The following ZFYVE1 variants were observed in gnomAD, a reference collection of about 807,000 sequenced individuals.
ZFYVE1 encodes zinc finger FYVE domain-containing protein 1.
In ZFYVE1, 30 loss-of-function variants were observed where a neutral mutation model predicts 74.4. The ratio of observed to expected loss-of-function variants is 0.40; its 90% CI spans 0.30 to 0.55. ZFYVE1 has a LOEUF of 0.55. Among genes scored for constraint, ZFYVE1 ranks in the 20% least tolerant of loss-of-function variants. The pLI is 0.42. For synonymous variants in ZFYVE1, 335 were observed against 385.1 expected (o/e 0.87, Z 1.52); for missense variants, 703 against 1,011.6 (o/e 0.69, Z 4.14).
intron 2 of ZFYVE1, among the ~76,000 whole-genome samples, chr14:73,015,411 G>A (rs1158362155): frequency 6.4e-5 from 5 of 77,594 alleles, no homozygotes; most frequent in Admixed American, 3.4e-4. Flanking sequence ...GAAGGGGGGG[G>A]AAGGAAGGGG....
chr14:72,971,466 A>G (rs773777796), intron 11 of ZFYVE1, among the ~76,000 whole-genome samples: 4 of 152,050 alleles, frequency 2.6e-5, no homozygotes, highest in Non-Finnish European at 4.4e-5. Flanking sequence ...CCTCCCAAGT[A>G]GCTGGGACTA....
At chr14:72,980,532 A>AATTT (rs1491315445) in intron 5 of ZFYVE1, among the ~76,000 whole-genome samples, 1 of 97,424 alleles carries the variant, frequency 1.0e-5, no homozygotes, top group Admixed American at 9.2e-5. Flanking sequence ...CCTGAGAATT[A>AATTT]ATTAATTTAT....
rs1437001636 is a variant in ZFYVE1 at position 72,970,811 on chromosome 14, C to T, written c.*71G>A. ...CCACAGCAGGTGACTGGGAGGAGGG[C>T]CTACCTCGCAAGACTGTTTCTAACC... On this transcript the variant is annotated 3_prime_UTR_variant, in exon 12 of 12. Transcript: ENST00000556143. 31 of 1,500,090 alleles carry T rather than the reference C, an allele frequency of 2.1e-5. No individual in the cohort carries two copies. In the Admixed American group the frequency reaches 5.2e-4, roughly 25 times the overall value. The allele number at this position is 1,500,090 out of a possible 1,614,324, so 92.9% of individuals were successfully genotyped here. A position where few individuals can be genotyped will look rare whatever the true frequency, so the allele number is the denominator to read the frequency against.
intron 4 of ZFYVE1, among the ~76,000 whole-genome samples, chr14:72,983,688 A>G (rs1893402407): frequency 1.3e-5 from 2 of 152,168 alleles, no homozygotes; most frequent in African/African-American, 4.8e-5. Context: ...TTGTAGCAGC[A>G]TGATTTATAA....
Position 72,970,818 on chromosome 14 carries a change from C to G in ZFYVE1, c.*64G>C, listed in dbSNP as rs955136760. The G allele has an allele frequency of 8.4e-6, 13 of 1,549,588 alleles. No homozygotes were observed. Among genetic ancestry groups the G allele is most frequent in the Non-Finnish European group, 1.1e-5 (12 of 1,136,854 alleles). On this transcript the variant is annotated 3_prime_UTR_variant, in exon 12 of 12. Coordinates refer to ENST00000556143, the MANE Select transcript of ZFYVE1 (RefSeq NM_021260.4). ...AGGTGACTGGGAGGAGGGCCTACCT[C>G]GCAAGACTGTTTCTAACCCTGAGAA...
At chr14:72,981,297 C>G (rs895231839) in intron 5 of ZFYVE1, among the ~76,000 whole-genome samples, 3 of 152,170 alleles carry the variant, frequency 2.0e-5, no homozygotes, top group Non-Finnish European at 4.4e-5. Flanking sequence ...ATTTTGAAAG[C>G]TCCCCAGAAA....
intron 4 of ZFYVE1, among the ~76,000 whole-genome samples, chr14:72,984,829 T>G (rs919568336): frequency 1.3e-5 from 2 of 152,126 alleles, no homozygotes; most frequent in Non-Finnish European, 2.9e-5. Flanking sequence ...AAGCTATGGG[T>G]TTGCTGTATT....
In ZFYVE1 at chr14:73,016,827, T is replaced by C. The variant is rs1006761935; in HGVS notation, c.483+7199A>G. The stretch of plus-strand genomic sequence containing the variant: ...AGTCAGAGGCTGCAGTGAACCAAGA[T>C]TGTGCCACTGCACTCCAGCCTGAGC... On this transcript the variant is annotated intron_variant, in intron 2 of 11. Transcript: ENST00000556143. 4.6e-5 allele frequency among the ~76,000 whole-genome samples: 7 copies of C among 152,106 alleles called. No homozygotes were observed. In the East Asian group the frequency reaches 9.6e-4, roughly 21 times the overall value.
At chr14:73,025,013 T>G (rs1894427173) in intron 1 of ZFYVE1, 71 bp from the exon 2 acceptor site, 2 of 152,174 alleles carry the variant, frequency 1.3e-5, no homozygotes, top group Non-Finnish European at 1.5e-5. Flanking sequence ...AAATTTTTTT[T>G]GACTAAATTA....
At chr14:73,011,403 C>T (rs1204407971) in intron 2 of ZFYVE1, among the ~76,000 whole-genome samples, 1 of 152,128 alleles carries the variant, frequency 6.6e-6, no homozygotes, top group East Asian at 1.9e-4. Flanking sequence ...GGAAGGACGG[C>T]TTGAGCCAGG....
At chr14:72,979,175 GACT>G in intron 5 of ZFYVE1, 1 of 534,096 alleles carries the variant, frequency 1.9e-6, no homozygotes. Flanking sequence ...GAGGCACAGC[GACT>G]ACTATCCTTG....
chr14:73,010,163 T>C (rs1894058559), intron 2 of ZFYVE1, among the ~76,000 whole-genome samples: 1 of 152,170 alleles, frequency 6.6e-6, no homozygotes, highest in Non-Finnish European at 1.5e-5. Context: ...GGATGTATCT[T>C]TTGAATTAAA....
rs200100866 is a variant in ZFYVE1, at chr14:72,975,007, T to C, written c.1807-48A>G. 171 of 1,551,524 alleles carry C rather than the reference T, an allele frequency of 1.1e-4. No homozygotes were observed. Among genetic ancestry groups the C allele is most frequent in the Admixed American group, 4.5e-4 (25 of 55,646 alleles). On this transcript the variant is annotated intron_variant, in intron 9 of 11. Coordinates refer to ENST00000556143, the MANE Select transcript of ZFYVE1 (RefSeq NM_021260.4). This position sits in a 1 kb window ranked among gnomAD's most constrained non-coding sequence, Gnocchi z 4.1. Reference sequence around the variant, plus strand: ...CAGAGAGGCAGGTAGGTATGGTACATGTCTGCTCAGCTGAGAAAGTCAACA... The same window carrying C: ...CAGAGAGGCAGGTAGGTATGGTACACGTCTGCTCAGCTGAGAAAGTCAACA...
At position 73,024,328 on chromosome 14, in the gene ZFYVE1, T is replaced by C. The variant is rs769646740; in HGVS notation, c.181A>G (p.Ile61Val). 1 of 1,614,114 alleles carries C rather than the reference T, an allele frequency of 6.2e-7. No homozygotes were observed. Among genetic ancestry groups the C allele is most frequent in the South Asian group, 1.1e-5 (1 of 91,068 alleles). ...RQERLRNHER[I>V]RLKPGHVPYC... ...GGGACATGGCCAGGTTTGAGTCTTA[T>C]CCGCTCATGGTTTCTCAGGCGCTCC... The change falls in exon 2 of 12, where the codon ATA becomes GTA. Residue 61 changes from isoleucine (I) to valine (V), a missense_variant. By Grantham distance (29) the Ile-to-Val change is conservative. This residue lies in a region of ZFYVE1 where 211 missense variants were observed against 221.7 expected (regional missense o/e 0.95). Transcript: ENST00000556143.
In ZFYVE1 at chr14:73,024,424, C is replaced by T. The variant is rs1301588483; in HGVS notation, c.85G>A (p.Glu29Lys). The T allele has an allele frequency of 6.2e-7, 1 of 1,614,194 alleles. No individual in the cohort carries two copies. Among genetic ancestry groups the T allele is most frequent in the Non-Finnish European group, 8.5e-7 (1 of 1,180,024 alleles). Residue 29 changes from glutamate to lysine, a missense_variant, in exon 2 of 12, where the codon GAA becomes AAA. By Grantham distance (56) the Glu-to-Lys change is moderately conservative. Coordinates refer to ENST00000556143, the MANE Select transcript of ZFYVE1 (RefSeq NM_021260.4). ...QESYACSGTD[E>K]AIFECDECCS... ...CACTCATCACACTCAAAGATAGCTT[C>T]ATCAGTCCCGCTGCAAGCGTAACTT...
rs1567348132 is a variant in ZFYVE1, at chr14:72,981,894, G to T, written c.1205C>A (p.Ala402Glu). 1 of 1,613,894 alleles carries T rather than the reference G, an allele frequency of 6.2e-7. No homozygotes were observed. The highest frequency in any genetic ancestry group is 8.5e-7 in the Non-Finnish European group (1 of 1,180,016). Reference sequence around the variant, plus strand: ...CTCACCGCTGAAGCGGTCACTTAGTGCCTGCCAAGGAGGGAAGGTGACATA... The same window carrying T: ...CTCACCGCTGAAGCGGTCACTTAGTTCCTGCCAAGGAGGGAAGGTGACATA... ...HPGVIFKALK[A>E]LSDRFSGEIP... Residue 402 changes from alanine to glutamate, a missense_variant and splice_region_variant, in exon 5 of 12, where the codon GCA becomes GAA. By Grantham distance (107) the Ala-to-Glu change is moderately radical (BLOSUM62 -1). Transcript: ENST00000556143.
intron 2 of ZFYVE1, among the ~76,000 whole-genome samples, chr14:73,015,243 A>AG (rs1260813644): frequency 3.1e-4 from 9 of 29,174 alleles, no homozygotes; most frequent in African/African-American, 2.5e-3. Flanking sequence ...GAAGGAAGGA[A>AG]GGAAGGAAGG....
chr14:73,010,583 A>G (rs1191427518), intron 2 of ZFYVE1, among the ~76,000 whole-genome samples: 1 of 150,468 alleles, frequency 6.6e-6, no homozygotes, highest in African/African-American at 2.5e-5. Context: ...CTGGGCAACA[A>G]GAGTGAAACT....
intron 4 of ZFYVE1, chr14:72,986,926 C>T (rs1893497904): frequency 1.0e-6 from 1 of 985,432 alleles, no homozygotes. Flanking sequence ...GGTTCTCCTC[C>T]TCCTGAGATC....
Sources: gnomAD v4.1 joint callset for allele counts (sites outside exome capture counted in the v4.1 genomes callset) on GRCh38, gnomAD v4.1.1 for gene constraint, gnomAD v4.1.1 regional missense constraint, Gnocchi (gnomAD v3.1) non-coding constraint, MANE v1.5 for transcripts, NCBI Gene and HGNC (gene_info 2026-07-23, HGNC 2026-07-21) for gene names.